PCDH9: variants seen among roughly 807,000 people sequenced by gnomAD.
PCDH9 encodes protocadherin 9.
In PCDH9, 24 loss-of-function variants were observed where a neutral mutation model predicts 70.6. The ratio of observed to expected loss-of-function variants is 0.34; its 90% CI spans 0.25 to 0.48. PCDH9 has a LOEUF of 0.48. PCDH9 is among the 20% of genes least tolerant of loss of function. The pLI is 0.99. For missense variants in PCDH9, 1,281 were observed against 1,503.6 expected, an observed-to-expected ratio of 0.85 and a Z score of 2.45; for synonymous variants, 562 against 558.5, an observed-to-expected ratio of 1.01 and a Z score of -0.09.
At chr13:66,353,219 G>A (rs1044912190) in intron 4 of PCDH9, among the ~76,000 whole-genome samples, 4 of 151,990 alleles carry the variant, frequency 2.6e-5, no homozygotes, top group African/African-American at 9.7e-5. Context: ...AAAGCAAGTG[G>A]TCCTCAAAAA....
intron 3 of PCDH9, among the ~76,000 whole-genome samples, chr13:66,657,660 A>G (rs2077951026): frequency 1.3e-5 from 2 of 152,190 alleles, no homozygotes; most frequent in South Asian, 4.1e-4. Flanking sequence ...GTGCATGTGC[A>G]TATGTGAATT....
chr13:67,195,611 G>T (rs1443102000), intron 2 of PCDH9, among the ~76,000 whole-genome samples: 1 of 151,922 alleles, frequency 6.6e-6, no homozygotes, highest in African/African-American at 2.4e-5. Context: ...GAATGCTTTG[G>T]GGAGAAATTA....
At chr13:66,379,613 A>G (rs1398033557) in intron 4 of PCDH9, among the ~76,000 whole-genome samples, 1 of 152,202 alleles carries the variant, frequency 6.6e-6, no homozygotes, top group Non-Finnish European at 1.5e-5. Context: ...GACCAAGGTA[A>G]TGCTTACAAA....
At chr13:66,788,260 T>C (rs539709071) in intron 3 of PCDH9, among the ~76,000 whole-genome samples, 9 of 152,102 alleles carry the variant, frequency 5.9e-5, no homozygotes, top group Non-Finnish European at 1.2e-4. Context: ...ATTAACCCAT[T>C]TATGGCAGCA....
At chr13:66,583,475 G>C (rs9592479) in intron 4 of PCDH9, among the ~76,000 whole-genome samples, 2,759 of 152,028 alleles carry the variant, frequency 0.018, 48 homozygotes, top group South Asian at 0.029. Flanking sequence ...GGCTGGGCTT[G>C]GGGGGACGCG....
intron 2 of PCDH9, among the ~76,000 whole-genome samples, chr13:67,039,223 G>A (rs155017): frequency 0.99 from 151,145 of 152,266 alleles, 75,028 homozygotes; most frequent in East Asian, 1. Context: ...TTCAGTTTCC[G>A]TGGACCCCCA....
At chr13:66,882,089 C>T (rs1234417123) in intron 3 of PCDH9, among the ~76,000 whole-genome samples, 1 of 152,122 alleles carries the variant, frequency 6.6e-6, no homozygotes, top group Non-Finnish European at 1.5e-5. Flanking sequence ...AATTAAAAAA[C>T]AAGTTGTGTT....
chr13:67,157,747 A>AT (rs1258273403), intron 2 of PCDH9, among the ~76,000 whole-genome samples: 6 of 152,204 alleles, frequency 3.9e-5, no homozygotes, highest in Non-Finnish European at 5.9e-5. Flanking sequence ...TATTAAATAT[A>AT]TTTTTCCTGT....
At chr13:66,873,991 A>G (rs1258009152) in intron 3 of PCDH9, among the ~76,000 whole-genome samples, 2 of 131,354 alleles carry the variant, frequency 1.5e-5, no homozygotes, top group Non-Finnish European at 3.1e-5. Context: ...CAGGCTAGAG[A>G]GTGAAGTGGC....
At chr13:67,114,559 A>T (rs1326336596) in intron 2 of PCDH9, among the ~76,000 whole-genome samples, 1 of 152,092 alleles carries the variant, frequency 6.6e-6, no homozygotes, top group East Asian at 1.9e-4. Flanking sequence ...GCAGATAAAC[A>T]TTTTTTTTCC....
At chr13:66,579,710 T>A (rs2076863826) in intron 4 of PCDH9, among the ~76,000 whole-genome samples, 1 of 152,016 alleles carries the variant, frequency 6.6e-6, no homozygotes, top group South Asian at 2.1e-4. Context: ...ATTGTCTAAA[T>A]GAGTATACTA....
intron 2 of PCDH9, among the ~76,000 whole-genome samples, chr13:67,094,294 A>T (rs2086277389): frequency 6.6e-6 from 1 of 152,182 alleles, no homozygotes; most frequent in Admixed American, 6.5e-5. Context: ...ACATTCCCGT[A>T]ACTTAAAAGA....
At chr13:66,539,870 CTTT>C (rs57344938) in intron 4 of PCDH9, among the ~76,000 whole-genome samples, 57 of 83,570 alleles carry the variant, frequency 6.8e-4, no homozygotes, top group South Asian at 1.3e-3. Flanking sequence ...TCTTTTTTTC[CTTT>C]TTTTTTTTTT....
chr13:66,559,961 A>G lies in PCDH9; in HGVS notation c.3340+71249T>C, dbSNP rs374858228. Among the ~76,000 whole-genome samples, 5 of 151,892 alleles carry G rather than the reference A, an allele frequency of 3.3e-5. No individual in the cohort carries two copies. In the South Asian group the frequency reaches 6.3e-4, roughly 19 times the overall value. ...TCATTTTAACATACACAGCTAATGA[A>G]TATCTATCTTATTTGCACACTTAGG... On this transcript the variant is annotated intron_variant, in intron 4 of 4. Coordinates refer to ENST00000377865, the MANE Select transcript of PCDH9 (RefSeq NM_203487.3).
chr13:67,188,353 T>G (rs1242204777), intron 2 of PCDH9, among the ~76,000 whole-genome samples: 1 of 152,172 alleles, frequency 6.6e-6, no homozygotes, highest in Non-Finnish European at 1.5e-5. Flanking sequence ...AAAAATGTGA[T>G]GCAAAGTAAA....
intron 4 of PCDH9, among the ~76,000 whole-genome samples, chr13:66,387,575 C>T (rs963841367): frequency 2.6e-5 from 4 of 150,992 alleles, no homozygotes; most frequent in Admixed American, 1.3e-4. Context: ...CCAGCACCTT[C>T]CTCCTTTCTC....
chr13:66,507,515 T>C (rs182701878), intron 4 of PCDH9, among the ~76,000 whole-genome samples: 14 of 152,240 alleles, frequency 9.2e-5, no homozygotes, highest in Non-Finnish European at 1.8e-4. Flanking sequence ...GTAGCTGTTG[T>C]TTATTGTTTG....
At position 66,373,110 on chromosome 13, in the gene PCDH9, C is replaced by T. The variant is rs371095059; in HGVS notation, c.3341-68082G>A. 4.6e-5 allele frequency among the ~76,000 whole-genome samples: 7 copies of T among 152,064 alleles called. No homozygotes were observed. In the East Asian group the frequency reaches 5.8e-4, roughly 13 times the overall value. ...GGTCATCAGTCAATAATTGGATAAACTCTTAATAAATATGGTATATTTTAT... is the reference window on the plus strand; with the variant it reads ...GGTCATCAGTCAATAATTGGATAAATTCTTAATAAATATGGTATATTTTAT... On this transcript the variant is annotated intron_variant, in intron 4 of 4. Coordinates refer to ENST00000377865, the MANE Select transcript of PCDH9 (RefSeq NM_203487.3).
intron 2 of PCDH9, among the ~76,000 whole-genome samples, chr13:66,934,558 G>GAAAAAGAAAAAGAAGAAGAAAAGAA (rs752213385): frequency 1.5e-5 from 2 of 134,818 alleles, no homozygotes; most frequent in African/African-American, 5.4e-5. Flanking sequence ...AAAAAAAAAA[G>GAAAAAGAAAAAGAAGAAGAAAAGAA]AAAAAGAAAA....
Sources: allele counts gnomAD v4.1 joint callset (sites outside exome capture counted in the v4.1 genomes callset), GRCh38; gene constraint gnomAD v4.1.1; transcripts MANE v1.5; gene names NCBI Gene and HGNC (gene_info 2026-07-23, HGNC 2026-07-21).